TG: variants seen among roughly 807,000 people sequenced by gnomAD.
TG encodes thyroid hormones.
Under a neutral mutation model 324.7 loss-of-function variants are expected in TG, and 270 were observed. That is an observed-to-expected ratio of 0.83 (90% CI 0.75 to 0.92). TG has a LOEUF of 0.92. Ranked by LOEUF, TG falls within the 40% of genes least tolerant of loss-of-function variation. The pLI is 0.00. For missense variants in TG, 3,591 were observed against 3,456.4 expected, an observed-to-expected ratio of 1.04 and a Z score of -0.98; for synonymous variants, 1,401 against 1,327.0, an observed-to-expected ratio of 1.06 and a Z score of -1.21.
intron 23 of TG, among the ~76,000 whole-genome samples, chr8:132,932,117 A>AT (rs35270204): frequency 0.54 from 81,409 of 151,104 alleles, 22,773 homozygotes; most frequent in Non-Finnish European, 0.61. Context: ...AAACAGAATT[A>AT]TTTTTTTGGG....
intron 39 of TG, 139 bp from the exon 40 acceptor site, chr8:133,021,852 C>A (rs1835593899): frequency 3.0e-6 from 3 of 1,004,590 alleles, no homozygotes; most frequent in Non-Finnish European, 4.6e-6. Flanking sequence ...TTTAGAGGGA[C>A]ACAGCTCCAT....
At chr8:132,978,586 T>C (rs981797016) in intron 34 of TG, among the ~76,000 whole-genome samples, 2 of 151,210 alleles carry the variant, frequency 1.3e-5, no homozygotes, top group African/African-American at 2.4e-5. Flanking sequence ...AGAGGTAGGG[T>C]GTTGGGGGTG....
intron 44 of TG, 111 bp from the exon 45 acceptor site, chr8:133,116,498 A>G (rs1038545530): frequency 7.0e-6 from 6 of 852,680 alleles, no homozygotes; most frequent in Non-Finnish European, 1.2e-5. Context: ...TAGGCCTGGC[A>G]GGGGTGGGTT....
In TG at chr8:132,929,286, C is replaced by A; in HGVS notation, c.4816+94C>A. On this transcript the variant is annotated intron_variant, in intron 23 of 47. Coordinates refer to ENST00000220616, the MANE Select transcript of TG (RefSeq NM_003235.5). ...GACAAACCAAATCAAACCATTAAAA[C>A]TATAATTTAAAAACATACTTTATCA... is the stretch of plus-strand genomic sequence containing the variant. 3 of 944,000 alleles carry A rather than the reference C, an allele frequency of 3.2e-6. No individual in the cohort carries two copies. The South Asian group carries it at 4.1e-5, about 13-fold the overall frequency. The allele number at this position is 944,000 out of a possible 1,614,324, so 58.5% of individuals were successfully genotyped here.
At chr8:133,073,606 C>T (rs1844406460) in intron 41 of TG, among the ~76,000 whole-genome samples, 1 of 152,168 alleles carries the variant, frequency 6.6e-6, no homozygotes, top group Non-Finnish European at 1.5e-5. Context: ...CCTGGGCTTA[C>T]CTCTCCACTT....
At chr8:132,991,707 T>C (rs534410364) in intron 35 of TG, among the ~76,000 whole-genome samples, 1 of 152,202 alleles carries the variant, frequency 6.6e-6, no homozygotes, top group Admixed American at 6.5e-5. Flanking sequence ...AATCATGTTG[T>C]TAGCAGCTGC....
intron 15 of TG, among the ~76,000 whole-genome samples, chr8:132,900,781 C>T (rs1055611869): frequency 3.9e-5 from 6 of 152,312 alleles, no homozygotes; most frequent in South Asian, 4.1e-4. Context: ...TGGAATGGCT[C>T]GAGGGCCCTT....
intron 9 of TG, 83 bp downstream of exon 9, chr8:132,887,631 C>T (rs2132168336): frequency 3.2e-6 from 5 of 1,572,338 alleles, no homozygotes; most frequent in Non-Finnish European, 2.6e-6. Flanking sequence ...AATAGAAATC[C>T]ACTCCTGGCC....
At chr8:132,874,954 A>G (rs1839826867) in intron 5 of TG, among the ~76,000 whole-genome samples, 1 of 152,064 alleles carries the variant, frequency 6.6e-6, no homozygotes, top group African/African-American at 2.4e-5. Flanking sequence ...ATCCATTTAT[A>G]TGACCTGCCT....
At position 132,887,375 on chromosome 8, in the gene TG, G is replaced by C; in HGVS notation, c.2003G>C (p.Arg668Pro). ...ACAGACTGTGAAAAGCAAAGGGCTC[G>C]CATGCAAAGCCTCATGGGCAGCCAG... The part of the protein sequence containing the change: ...CPTDCEKQRA[R>P]MQSLMGSQPA... The change falls in exon 9 of 48, where the codon CGC (arginine) becomes CCC (proline). Residue 668 changes from arginine to proline, a missense_variant. Coordinates refer to ENST00000220616, the MANE Select transcript of TG (RefSeq NM_003235.5). 6.2e-7 allele frequency: 1 copy of C among 1,614,154 alleles called. No homozygotes were observed. The highest frequency in any genetic ancestry group is 8.5e-7 in the Non-Finnish European group (1 of 1,180,012).
At chr8:133,096,475 T>G in intron 43 of TG, 102 bp downstream of exon 43, 1 of 1,372,808 alleles carries the variant, frequency 7.3e-7, no homozygotes, top group East Asian at 2.3e-5. Context: ...AATTGCTGAG[T>G]AACTACTGTG....
chr8:133,071,330 C>T (rs1843991339), intron 41 of TG, among the ~76,000 whole-genome samples: 1 of 152,182 alleles, frequency 6.6e-6, no homozygotes, highest in African/African-American at 2.4e-5. Context: ...CTGGAAAGTG[C>T]TGGAGGTGGT....
intron 17 of TG, 107 bp downstream of exon 17, chr8:132,907,007 A>AC: frequency 8.4e-7 from 1 of 1,194,838 alleles, no homozygotes; most frequent in Non-Finnish European, 1.2e-6. Flanking sequence ...CAAATGTAGC[A>AC]CGCTGGTGGT....
chr8:132,955,704 C>G (rs1439498613), intron 27 of TG, among the ~76,000 whole-genome samples: 1 of 152,220 alleles, frequency 6.6e-6, no homozygotes, highest in Non-Finnish European at 1.5e-5. Flanking sequence ...TCCTGGAGGG[C>G]GGGGCTCCTG....
At chr8:132,951,745 A>G (rs1826131538) in intron 27 of TG, among the ~76,000 whole-genome samples, 1 of 152,210 alleles carries the variant, frequency 6.6e-6, no homozygotes, top group Non-Finnish European at 1.5e-5. Flanking sequence ...GGCTACCTCC[A>G]ACTGAAGGCA....
intron 41 of TG, among the ~76,000 whole-genome samples, chr8:133,042,792 C>T (rs2131114914): frequency 7.0e-6 from 1 of 142,550 alleles, no homozygotes; most frequent in South Asian, 2.3e-4. Flanking sequence ...CTCCTGGGTT[C>T]AAGTGATTCC....
At chr8:133,130,886 C>T (rs1564221912) in intron 45 of TG, among the ~76,000 whole-genome samples, 2 of 146,228 alleles carry the variant, frequency 1.4e-5, no homozygotes, top group Non-Finnish European at 2.9e-5. Context: ...GGACTAATCC[C>T]CAGTGGGGAG....
intron 5 of TG, among the ~76,000 whole-genome samples, chr8:132,874,458 C>T (rs777139756): frequency 2.6e-5 from 4 of 152,134 alleles, no homozygotes; most frequent in Non-Finnish European, 5.9e-5. Context: ...GTAATTGAAC[C>T]ATTTGGAGTA....
At chr8:133,087,167 CT>C (rs1319574505) in intron 41 of TG, among the ~76,000 whole-genome samples, 3 of 151,118 alleles carry the variant, frequency 2.0e-5, no homozygotes, top group African/African-American at 4.9e-5. Context: ...CAGTGGTTTT[CT>C]TTGATTGGGA....
Sources: allele counts gnomAD v4.1 joint callset (sites outside exome capture counted in the v4.1 genomes callset), GRCh38; gene constraint gnomAD v4.1.1; transcripts MANE v1.5; gene names NCBI Gene and HGNC (gene_info 2026-07-23, HGNC 2026-07-21).